FAM222A: variants seen among roughly 807,000 people sequenced by gnomAD.
FAM222A encodes family with sequence similarity 222 member A.
In FAM222A, 7 loss-of-function variants were observed where a neutral mutation model predicts 25.8. The ratio of observed to expected loss-of-function variants is 0.27; its 90% CI spans 0.15 to 0.51. The LOEUF (loss-of-function observed/expected upper bound fraction) is 0.51, where lower values mean the gene tolerates loss of function less well. FAM222A is among the 20% of genes least tolerant of loss of function. The probability of loss-of-function intolerance (pLI) is 0.97; values close to 1 mark genes in which losing one functional copy is unlikely to be tolerated. For synonymous variants in FAM222A, 294 were observed against 298.8 expected (o/e 0.98, Z 0.17); for missense variants, 573 against 640.5 (o/e 0.89, Z 1.14).
intron 2 of FAM222A, among the ~76,000 whole-genome samples, chr12:109,750,494 T>C (rs925807385): frequency 2.6e-5 from 4 of 152,206 alleles, no homozygotes; most frequent in African/African-American, 4.8e-5. Context: ...AGTCTACTTA[T>C]AATCTTGTCC....
Position 109,745,908 on chromosome 12 carries a change from C to CT in FAM222A, c.82+1692dup, listed in dbSNP as rs535591672. On this transcript the variant is annotated intron_variant, in intron 2 of 2. Transcript: ENST00000538780. ...ACTAATCTACTTATCTCCTTGGCTC[C>CT]TTTTTTTTTTTTAATTGGGTGGTGG... Among the ~76,000 whole-genome samples the CT allele has an allele frequency of 4.5e-4, 64 of 141,112 alleles. 1 individual carries two copies. The South Asian group carries it at 5.2e-3, about 12-fold the overall frequency. 92.6% of individuals were successfully genotyped at this position (141,112 alleles called of 152,430 possible). A position where few individuals can be genotyped will look rare whatever the true frequency, so the allele number is the denominator to read the frequency against.
At chr12:109,763,728 A>C (rs1888963230) in intron 2 of FAM222A, among the ~76,000 whole-genome samples, 1 of 152,206 alleles carries the variant, frequency 6.6e-6, no homozygotes, top group Admixed American at 6.5e-5. Flanking sequence ...TACTAGTTAT[A>C]CAGGTCAGTC....
intron 1 of FAM222A, among the ~76,000 whole-genome samples, chr12:109,733,771 T>G (rs1323536110): frequency 6.6e-6 from 1 of 152,082 alleles, no homozygotes; most frequent in South Asian, 2.1e-4. Flanking sequence ...AAACCATAAG[T>G]GCAAAGGCCC....
intron 1 of FAM222A, among the ~76,000 whole-genome samples, chr12:109,720,669 T>C (rs1419225759): frequency 6.6e-6 from 1 of 152,220 alleles, no homozygotes; most frequent in Non-Finnish European, 1.5e-5. Context: ...TTCAGAGAGC[T>C]TCCCTGCTCC....
At chr12:109,736,830 G>T (rs1016490468) in intron 1 of FAM222A, among the ~76,000 whole-genome samples, 2 of 152,128 alleles carry the variant, frequency 1.3e-5, no homozygotes, top group African/African-American at 4.8e-5. Flanking sequence ...GGAGCTGGCC[G>T]TGGTGCTGAC....
At chr12:109,756,803 G>GT (rs1029223452) in intron 2 of FAM222A, among the ~76,000 whole-genome samples, 2 of 152,128 alleles carry the variant, frequency 1.3e-5, no homozygotes, top group African/African-American at 2.4e-5. Context: ...ATGGTCCATA[G>GT]TTTTTTTGTG....
rs532685645 is a variant in FAM222A at position 109,769,423 on chromosome 12, G to A, written c.*135G>A. The A allele has an allele frequency of 7.5e-5, 86 of 1,150,414 alleles. No individual in the cohort carries two copies. The highest frequency in any genetic ancestry group is 1.2e-4 in the African/African-American group (8 of 64,234). The allele number at this position is 1,150,414 out of a possible 1,614,324, so 71.3% of individuals were successfully genotyped here. ...TGATGCCCACAGGGGAGCCAGGCTG[G>A]CTGCCGCCTCGCTGTGGCCGGATGG... On this transcript the variant is annotated 3_prime_UTR_variant, in exon 3 of 3. Transcript: ENST00000538780.
At chr12:109,721,915 T>A (rs1887754184) in intron 1 of FAM222A, among the ~76,000 whole-genome samples, 1 of 152,004 alleles carries the variant, frequency 6.6e-6, no homozygotes, top group Admixed American at 6.6e-5. Context: ...TCTTAACCCA[T>A]TTTAGAGATG....
intron 1 of FAM222A, among the ~76,000 whole-genome samples, chr12:109,740,289 G>A (rs572695936): frequency 6.6e-6 from 1 of 152,220 alleles, no homozygotes; most frequent in South Asian, 2.1e-4. Context: ...GGGTGTCTCC[G>A]AGATAAGGCG....
rs1400147057 is a variant in FAM222A, at chr12:109,770,287, C to T, written c.*999C>T. On this transcript the variant is annotated 3_prime_UTR_variant, in exon 3 of 3. Transcript: ENST00000538780. The stretch of plus-strand genomic sequence containing the variant: ...GGCAGGGAAAGATAGGCAGGAGTCC[C>T]CTCACGAAGTCCTCAAGTCCTGGCC... The T allele has an allele frequency of 2.6e-5, 4 of 152,652 alleles. No homozygotes were observed. The highest frequency in any genetic ancestry group is 7.2e-5 in the African/African-American group (3 of 41,426). 9.5% of individuals were successfully genotyped at this position (152,652 alleles called of 1,614,324 possible). A position where few individuals can be genotyped will look rare whatever the true frequency, so the allele number is the denominator to read the frequency against.
chr12:109,766,544 C>T (rs978968870), intron 2 of FAM222A, among the ~76,000 whole-genome samples: 20 of 152,246 alleles, frequency 1.3e-4, no homozygotes, highest in Non-Finnish European at 1.0e-4. Flanking sequence ...CCCCATCTGC[C>T]GTGTTCACGT....
intron 2 of FAM222A, among the ~76,000 whole-genome samples, chr12:109,758,974 C>T (rs757243923): frequency 6.6e-6 from 1 of 152,246 alleles, no homozygotes. Flanking sequence ...TGTGCTTGCA[C>T]ACCTTTCACT....
At chr12:109,729,697 G>C (rs1309433945) in intron 1 of FAM222A, among the ~76,000 whole-genome samples, 1 of 152,268 alleles carries the variant, frequency 6.6e-6, no homozygotes, top group Non-Finnish European at 1.5e-5. Context: ...AGACGGCGCC[G>C]CCACCCCCGC....
chr12:109,746,239 A>G (rs578197810), intron 2 of FAM222A, among the ~76,000 whole-genome samples: 5 of 152,300 alleles, frequency 3.3e-5, no homozygotes, highest in African/African-American at 4.8e-5. Flanking sequence ...CTGTAATCCT[A>G]TCACTTTGGG....
chr12:109,751,922 C>T (rs990593032), intron 2 of FAM222A, among the ~76,000 whole-genome samples: 4 of 152,220 alleles, frequency 2.6e-5, no homozygotes, highest in Non-Finnish European at 4.4e-5. Flanking sequence ...CTGTATTACA[C>T]TGCAGGAATA....
rs1889184563 is a variant in FAM222A, at chr12:109,769,578, G to C, written c.*290G>C. ...ATCTAAGCTGGCAGAGGCAGGGAGA[G>C]AGAAACCACTCAAAAACAGGAATGG... On this transcript the variant is annotated 3_prime_UTR_variant, in exon 3 of 3. Transcript: ENST00000538780. The C allele has an allele frequency of 4.3e-6, 2 of 467,246 alleles. No individual in the cohort carries two copies. Among genetic ancestry groups the C allele is most frequent in the Admixed American group, 3.8e-5 (1 of 26,280 alleles). The allele number at this position is 467,246 out of a possible 1,614,324, so 28.9% of individuals were successfully genotyped here. A position where few individuals can be genotyped will look rare whatever the true frequency, so the allele number is the denominator to read the frequency against.
chr12:109,765,623 C>G (rs1186301707), intron 2 of FAM222A, among the ~76,000 whole-genome samples: 5 of 152,208 alleles, frequency 3.3e-5, no homozygotes, highest in African/African-American at 1.2e-4. Flanking sequence ...GTCTCTGGAC[C>G]CCCATGTCCC....
Position 109,768,174 on chromosome 12 carries a change from A to G in FAM222A, c.245A>G (p.Tyr82Cys), listed in dbSNP as rs369570772. 1.3e-5 allele frequency: 21 copies of G among 1,613,636 alleles called. No individual in the cohort carries two copies. The highest frequency in any genetic ancestry group is 1.6e-4 in the Middle Eastern group (1 of 6,084). The change falls in exon 3 of 3, where the codon TAT (tyrosine) becomes TGT (cysteine). Residue 82 changes from tyrosine to cysteine, a missense_variant. Transcript: ENST00000538780. ...HKHLSRTVNGYDTSGQRYSPY... is the reference protein window; with the variant it reads ...HKHLSRTVNGCDTSGQRYSPY... Reference sequence around the variant, plus strand: ...CACCTCAGCCGCACAGTCAATGGCTATGACACCAGTGGCCAGCGCTACAGC... The same window carrying G: ...CACCTCAGCCGCACAGTCAATGGCTGTGACACCAGTGGCCAGCGCTACAGC...
chr12:109,757,463 G>C (rs1406987873), intron 2 of FAM222A, among the ~76,000 whole-genome samples: 1 of 152,218 alleles, frequency 6.6e-6, no homozygotes, highest in Admixed American at 6.5e-5. Context: ...GCTGGGGCAA[G>C]TGGTTATCCA....
Sources: gnomAD v4.1 joint callset for allele counts (sites outside exome capture counted in the v4.1 genomes callset) on GRCh38, gnomAD v4.1.1 for gene constraint, MANE v1.5 for transcripts, NCBI Gene and HGNC (gene_info 2026-07-23, HGNC 2026-07-21) for gene names.